The following SLC14A2 variants were observed in gnomAD, a reference collection of about 807,000 sequenced individuals.
SLC14A2 encodes urea transporter 2.
A neutral mutation model predicts 104.6 loss-of-function variants in SLC14A2; 91 were observed. That is an observed-to-expected ratio of 0.87 (90% confidence interval 0.73 to 1.04). SLC14A2 has a LOEUF of 1.04. Ranked by LOEUF, SLC14A2 falls within the 50% of genes least tolerant of loss-of-function variation. The pLI is 0.00. For synonymous variants in SLC14A2, 476 were observed against 466.4 expected, an observed-to-expected ratio of 1.02 and a Z score of -0.27; for missense variants, 1,189 against 1,156.0, an observed-to-expected ratio of 1.03 and a Z score of -0.41.
intron 2 of SLC14A2, among the ~76,000 whole-genome samples, chr18:45,604,310 G>A (rs1057309597): frequency 6.6e-6 from 1 of 152,272 alleles, no homozygotes; most frequent in Non-Finnish European, 1.5e-5. Flanking sequence ...CCATCATGTG[G>A]AGGCATGTTA....
At chr18:45,495,536 T>C (rs1026647843) in intron 2 of SLC14A2, among the ~76,000 whole-genome samples, 4 of 152,158 alleles carry the variant, frequency 2.6e-5, no homozygotes, top group Admixed American at 2.6e-4. Context: ...AGAGGAGTGG[T>C]GATTAAATCC....
At chr18:45,495,267 G>A (rs1030832502) in intron 2 of SLC14A2, among the ~76,000 whole-genome samples, 34 of 152,116 alleles carry the variant, frequency 2.2e-4, no homozygotes, top group African/African-American at 7.5e-4. Flanking sequence ...TGTGGATGGA[G>A]GAAGAAAGTT....
At chr18:45,498,905 C>A (rs1487143662) in intron 2 of SLC14A2, among the ~76,000 whole-genome samples, 1 of 152,252 alleles carries the variant, frequency 6.6e-6, no homozygotes, top group East Asian at 1.9e-4. Flanking sequence ...TCTGTTCCCA[C>A]AGCTCCACAG....
At chr18:45,541,062 C>T (rs2043876409) in intron 2 of SLC14A2, among the ~76,000 whole-genome samples, 1 of 152,140 alleles carries the variant, frequency 6.6e-6, no homozygotes, top group South Asian at 2.1e-4. Flanking sequence ...GCACAAGAGC[C>T]TCCTCCCAGG....
intron 2 of SLC14A2, among the ~76,000 whole-genome samples, chr18:45,576,739 A>T (rs911085174): frequency 6.6e-6 from 1 of 152,102 alleles, no homozygotes; most frequent in African/African-American, 2.4e-5. Context: ...AGCCCGCATT[A>T]TTCAGATGTG....
chr18:45,651,275 T>C (rs1164776070), intron 10 of SLC14A2, among the ~76,000 whole-genome samples: 2 of 152,120 alleles, frequency 1.3e-5, no homozygotes, highest in Admixed American at 6.5e-5. Flanking sequence ...GAGAGGGTCT[T>C]TGGCAAAGGA....
intron 1 of SLC14A2, among the ~76,000 whole-genome samples, chr18:45,267,040 T>G (rs1390318980): frequency 6.6e-6 from 1 of 151,880 alleles, no homozygotes; most frequent in Non-Finnish European, 1.5e-5. Flanking sequence ...CACTGGGAGG[T>G]TCTCCAATCA....
chr18:45,221,272 G>T (rs544959469), intron 1 of SLC14A2, among the ~76,000 whole-genome samples: 13 of 152,278 alleles, frequency 8.5e-5, no homozygotes, highest in Middle Eastern at 3.4e-3. Context: ...CTGCTCCATT[G>T]TTCTGGAATA....
intron 1 of SLC14A2, among the ~76,000 whole-genome samples, chr18:45,403,941 C>G (rs1598762692): frequency 6.6e-6 from 1 of 152,176 alleles, no homozygotes; most frequent in Admixed American, 6.5e-5. Flanking sequence ...GCAATGACTC[C>G]TTTCTCCCTA....
intron 1 of SLC14A2, among the ~76,000 whole-genome samples, chr18:45,449,751 C>T (rs542898941): frequency 3.4e-4 from 52 of 152,138 alleles, no homozygotes; most frequent in African/African-American, 1.2e-3. Context: ...GGAAAACAAA[C>T]CCCAAGAATC....
At chr18:45,470,994 G>GTC in intron 1 of SLC14A2, among the ~76,000 whole-genome samples, 1 of 152,020 alleles carries the variant, frequency 6.6e-6, no homozygotes, top group Non-Finnish European at 1.5e-5. Flanking sequence ...GTTTGTGTGT[G>GTC]TGTGTGTGTT....
chr18:45,423,944 T>C (rs1395502494), intron 1 of SLC14A2: 1 of 152,230 alleles, frequency 6.6e-6, no homozygotes, highest in Non-Finnish European at 1.5e-5. Context: ...TTTTCATTCC[T>C]TATTCATCTC....
At chr18:45,454,622 T>C (rs2086911957) in intron 1 of SLC14A2, among the ~76,000 whole-genome samples, 1 of 152,202 alleles carries the variant, frequency 6.6e-6, no homozygotes, top group South Asian at 2.1e-4. Flanking sequence ...TCTTAGAGGA[T>C]TTTTATGGTT....
chr18:45,214,844 T>C (rs1467929445), intron 1 of SLC14A2, among the ~76,000 whole-genome samples: 2 of 147,400 alleles, frequency 1.4e-5, no homozygotes, highest in Admixed American at 6.9e-5. Context: ...GACTAGGTAC[T>C]GGGAATAATA....
chr18:45,278,114 T>C (rs1176237954), intron 1 of SLC14A2, among the ~76,000 whole-genome samples: 1 of 152,198 alleles, frequency 6.6e-6, no homozygotes, highest in Non-Finnish European at 1.5e-5. Context: ...CATATGGTAT[T>C]GACAAAGAGC....
In SLC14A2 at chr18:45,312,885, A is replaced by G. The variant is rs991915883; in HGVS notation, c.-125+99694A>G. ...GTTGCAGACCACAGAGGGGCGGGGT[A>G]TGTGCTGACTGCAGGTGCAGGGTTC... On this transcript the variant is annotated intron_variant, in intron 1 of 20. Transcript: ENST00000586448. 1.6e-4 allele frequency among the ~76,000 whole-genome samples: 24 copies of G among 152,280 alleles called. 1 individual carries two copies. Among genetic ancestry groups the G allele is most frequent in the Admixed American group, 1.6e-3 (24 of 15,302 alleles).
Position 45,427,080 on chromosome 18 carries a change from G to A in SLC14A2, c.-124-56153G>A, listed in dbSNP as rs535526569. Among the ~76,000 whole-genome samples the A allele has an allele frequency of 1.5e-4, 23 of 152,124 alleles. 1 individual carries two copies. The highest frequency in any genetic ancestry group is 5.3e-4 in the African/African-American group (22 of 41,512). On this transcript the variant is annotated intron_variant, in intron 1 of 20. Transcript: ENST00000586448. The stretch of plus-strand genomic sequence containing the variant: ...CAGTTAACAGTGACCCAGTCATTCC[G>A]ACATACCTGCTGAGGAACATAAGTA...
At chr18:45,677,276 T>C (rs970314767) in intron 18 of SLC14A2, among the ~76,000 whole-genome samples, 48 of 152,312 alleles carry the variant, frequency 3.2e-4, no homozygotes, top group African/African-American at 1.1e-3. Context: ...AATGAATCCT[T>C]TGGCTCTGGG....
chr18:45,460,072 AAGAT>A (rs2087016247), intron 1 of SLC14A2, among the ~76,000 whole-genome samples: 1 of 152,188 alleles, frequency 6.6e-6, no homozygotes. Context: ...ACTGCTCTCT[AAGAT>A]AGAGCCATTG....
Sources: allele counts gnomAD v4.1 joint callset (sites outside exome capture counted in the v4.1 genomes callset), GRCh38; gene constraint gnomAD v4.1.1; transcripts MANE v1.5; gene names NCBI Gene and HGNC (gene_info 2026-07-23, HGNC 2026-07-21).